Variants in EMC3 observed in about 807,000 individuals in gnomAD.
The protein encoded by EMC3 is 30 kDa protein.
Under a neutral mutation model 36.6 loss-of-function variants are expected in EMC3, and 13 were observed. That is an observed-to-expected ratio of 0.35 (90% CI 0.23 to 0.56). EMC3 has a LOEUF of 0.56. Ranked by LOEUF, EMC3 falls within the 20% of genes least tolerant of loss-of-function variation. The pLI is 0.84. For missense variants in EMC3, 220 were observed against 324.5 expected (o/e 0.68, Z 2.47); for synonymous variants, 120 against 111.9 (o/e 1.07, Z -0.46).
At chr3:10,010,729 AG>A (rs1242245650) in intron 1 of EMC3, among the ~76,000 whole-genome samples, 4 of 152,170 alleles carry the variant, frequency 2.6e-5, no homozygotes, top group African/African-American at 9.7e-5. Flanking sequence ...CCTTCACCCC[AG>A]GTGAGGAAGG....
chr3:9,983,894 C>T (rs1335840309), intron 1 of EMC3, among the ~76,000 whole-genome samples: 2 of 152,052 alleles, frequency 1.3e-5, no homozygotes, highest in African/African-American at 4.8e-5. Flanking sequence ...ACAATATTTC[C>T]CTACTTTGGG....
At chr3:9,972,628 G>A (rs189032871) in intron 5 of EMC3, among the ~76,000 whole-genome samples, 2 of 151,592 alleles carry the variant, frequency 1.3e-5, no homozygotes, top group South Asian at 2.1e-4. Context: ...AAAATTACCC[G>A]GATGTGGTGG....
At chr3:9,975,587 C>T (rs1985124) in intron 3 of EMC3, among the ~76,000 whole-genome samples, 33,347 of 151,284 alleles carry the variant, frequency 0.22, 4,261 homozygotes, top group African/African-American at 0.35. Flanking sequence ...CCAAGGCGGG[C>T]GGATCACGAG....
chr3:9,981,020 T>C (rs181251592), intron 1 of EMC3, among the ~76,000 whole-genome samples: 27 of 152,164 alleles, frequency 1.8e-4, no homozygotes, highest in Non-Finnish European at 8.8e-5. Context: ...CTAGTCAACA[T>C]AATGAGACCA....
upstream of EMC3, chr3:9,987,373 A>G: frequency 1.1e-6 from 1 of 902,378 alleles, no homozygotes; most frequent in East Asian, 1.2e-4. Flanking sequence ...TCCGCGCCCC[A>G]AGCCTCGGCT....
chr3:9,998,391 A>T (rs1479200135), intron 1 of EMC3, among the ~76,000 whole-genome samples: 2 of 147,350 alleles, frequency 1.4e-5, no homozygotes, highest in African/African-American at 4.9e-5. Context: ...TAATAATAAT[A>T]ATAATAATAA....
chr3:9,997,769 T>C (rs902217195), intron 1 of EMC3, among the ~76,000 whole-genome samples: 7 of 152,164 alleles, frequency 4.6e-5, no homozygotes, highest in Non-Finnish European at 7.3e-5. Context: ...CCCCATTCTT[T>C]GTTTATACCA....
At chr3:10,001,124 A>G (rs1241048231) in intron 1 of EMC3, among the ~76,000 whole-genome samples, 1 of 151,964 alleles carries the variant, frequency 6.6e-6, no homozygotes, top group Non-Finnish European at 1.5e-5. Flanking sequence ...TAGGTCTTTG[A>G]TCCACTTTGA....
chr3:9,969,635 C>A, intron 7 of EMC3, 84 bp downstream of exon 7: 3 of 1,602,218 alleles, frequency 1.9e-6, no homozygotes, highest in Non-Finnish European at 2.6e-6. Context: ...ACACAACACT[C>A]CCTTCAAGGA....
chr3:10,001,018 T>A lies in EMC3; in HGVS notation c.-242+10005A>T, dbSNP rs2086192492. The stretch of plus-strand genomic sequence containing the variant: ...CAAAGCCGGACAACCCACTCTTTAC[T>A]TTTTTTGTTGTTGTTGCTTGTCCTT... On this transcript the variant is annotated intron_variant, in intron 1 of 8. Transcript: ENST00000470827. 12 of 243,458 alleles carry A rather than the reference T, an allele frequency of 4.9e-5. No homozygotes were observed. The Admixed American group carries it at 5.2e-4, about 11-fold the overall frequency. The allele number at this position is 243,458 out of a possible 1,614,324, so 15.1% of individuals were successfully genotyped here.
chr3:10,000,654 CT>C (rs1283352203), intron 1 of EMC3: 4 of 474,294 alleles, frequency 8.4e-6, no homozygotes, highest in Admixed American at 4.6e-5. Context: ...TCATTAGTAG[CT>C]TTTTTAAGAT....
intron 1 of EMC3, among the ~76,000 whole-genome samples, chr3:9,978,903 A>G (rs1033464031): frequency 1.3e-5 from 2 of 152,114 alleles, no homozygotes; most frequent in African/African-American, 4.8e-5. Context: ...AATACAAACC[A>G]CTTGTTTTAA....
rs950375257 is a variant in EMC3, at chr3:9,974,232, G to C, written c.412+152C>G. 17 of 600,796 alleles carry C rather than the reference G, an allele frequency of 2.8e-5. No individual in the cohort carries two copies. In the South Asian group the frequency reaches 3.6e-4, roughly 13 times the overall value. 37.2% of individuals were successfully genotyped at this position (600,796 alleles called of 1,614,324 possible). On this transcript the variant is annotated intron_variant, in intron 4 of 7. Transcript: ENST00000245046. ...ACGTCATGAACTTAGGATCATTTTTGGGCAAAAGCCGTAAAAGTCATCACA... is the reference window on the plus strand; with the variant it reads ...ACGTCATGAACTTAGGATCATTTTTCGGCAAAAGCCGTAAAAGTCATCACA...
At chr3:9,995,994 C>T (rs1462423488) in intron 1 of EMC3, among the ~76,000 whole-genome samples, 2 of 152,122 alleles carry the variant, frequency 1.3e-5, no homozygotes, top group African/African-American at 4.8e-5. Flanking sequence ...TACATTAGAT[C>T]CTCTGCCCTC....
intron 5 of EMC3, 23 bp from the exon 6 acceptor site, chr3:9,970,684 G>T: frequency 6.2e-7 from 1 of 1,612,148 alleles, no homozygotes; most frequent in Non-Finnish European, 8.5e-7. Context: ...AATGAAAATG[G>T]TGTGGTTAGT....
At chr3:9,969,501 A>C in intron 7 of EMC3, 1 of 1,433,416 alleles carries the variant, frequency 7.0e-7, no homozygotes, top group African/African-American at 1.4e-5. Flanking sequence ...ATTAAATTCC[A>C]GTGAGCATTT....
At chr3:9,986,917 G>A (rs1184111336), upstream of EMC3, 1 of 1,278,044 alleles carries the variant, frequency 7.8e-7, no homozygotes, top group African/African-American at 1.5e-5. Flanking sequence ...CGGGAAAGTG[G>A]AAAACTATCG....
At chr3:9,975,760 C>A (rs554785326) in intron 3 of EMC3, among the ~76,000 whole-genome samples, 1 of 145,858 alleles carries the variant, frequency 6.9e-6, no homozygotes, top group Non-Finnish European at 1.5e-5. Context: ...TGCAGTGAGC[C>A]GAGATCGCAC....
chr3:9,995,198 G>A (rs6782561), intron 1 of EMC3, among the ~76,000 whole-genome samples: 23,430 of 143,412 alleles, frequency 0.16, 111 homozygotes, highest in African/African-American at 0.25. Flanking sequence ...ACACTGTCAT[G>A]ATCCATGTTT....
Sources: allele counts gnomAD v4.1 joint callset (sites outside exome capture counted in the v4.1 genomes callset), GRCh38; gene constraint gnomAD v4.1.1; transcripts MANE v1.5; gene names NCBI Gene and HGNC (gene_info 2026-07-23, HGNC 2026-07-21).